Variants in MARCHF1 observed in about 807,000 individuals in gnomAD.
The protein encoded by MARCHF1 is E3 ubiquitin-protein ligase MARCHF1.
MARCHF1 carries 40 observed loss-of-function variants against 54.2 expected under a neutral mutation model. The ratio of observed to expected loss-of-function variants is 0.74; its 90% CI spans 0.57 to 0.96. The LOEUF (loss-of-function observed/expected upper bound fraction) is 0.96, where lower values mean the gene tolerates loss of function less well. Ranked by LOEUF, MARCHF1 falls within the 40% of genes least tolerant of loss-of-function variation. The pLI is 0.00. For missense variants in MARCHF1, 586 were observed against 656.5 expected (o/e 0.89, Z 1.17); for synonymous variants, 236 against 236.3 (o/e 1.00, Z 0.01).
At position 163,545,631 on chromosome 4, in the gene MARCHF1, C is replaced by T. The variant is rs758248171; in HGVS notation, c.1304G>A (p.Arg435Gln). 38 of 1,613,626 alleles carry T rather than the reference C, an allele frequency of 2.4e-5. No individual in the cohort carries two copies. The highest frequency in any genetic ancestry group is 2.8e-5 in the Non-Finnish European group (33 of 1,179,860). The change falls in exon 9 of 10, where the codon CGG (arginine) becomes CAG (glutamine). Residue 435 changes from arginine to glutamine, a missense_variant. Arg to Gln is a conservative substitution (Grantham distance 43, BLOSUM62 1). Around this residue, in one of 3 missense-constraint regions of MARCHF1, gnomAD observed 93 missense variants for 168.2 expected, o/e 0.55. Coordinates refer to ENST00000514618, the MANE Select transcript of MARCHF1 (RefSeq NM_001394959.1). The stretch of plus-strand genomic sequence containing the variant: ...GCCTTGCTTGATTTCCTCCGCTGTC[C>T]GGTCTATCAATACATACAAAGACCA... ...VVWSLYVLID[R>Q]TAEEIKQGND...
chr4:164,023,526 A>G (rs1753709295), intron 2 of MARCHF1, among the ~76,000 whole-genome samples: 1 of 152,218 alleles, frequency 6.6e-6, no homozygotes, highest in South Asian at 2.1e-4. Context: ...AATAAATAAA[A>G]TAAAATAAAA....
intron 4 of MARCHF1, among the ~76,000 whole-genome samples, chr4:163,761,998 A>G (rs1335816647): frequency 6.6e-6 from 1 of 152,156 alleles, no homozygotes; most frequent in Non-Finnish European, 1.5e-5. Context: ...ATAATAATTT[A>G]TTTTATTTAA....
chr4:163,950,041 G>A lies in MARCHF1; in HGVS notation c.-39+38460C>T, dbSNP rs532428018. On this transcript the variant is annotated intron_variant, in intron 3 of 9. Transcript: ENST00000514618. The stretch of plus-strand genomic sequence containing the variant: ...ATTGGTCCATGGGTGGTCATGGGCG[G>A]GCCCAGGAAAAGCACCATAAGTTCT... 3.9e-5 allele frequency among the ~76,000 whole-genome samples: 6 copies of A among 152,278 alleles called. No homozygotes were observed. The South Asian group carries it at 1.2e-3, about 32-fold the overall frequency.
At chr4:163,636,359 C>A (rs1470244903) in intron 5 of MARCHF1, among the ~76,000 whole-genome samples, 1 of 141,870 alleles carries the variant, frequency 7.0e-6, no homozygotes, top group Non-Finnish European at 1.5e-5. Context: ...TTGTCTCAGC[C>A]CAAAGTCTCC....
At chr4:163,891,916 T>C (rs1750669550) in intron 3 of MARCHF1, among the ~76,000 whole-genome samples, 1 of 152,246 alleles carries the variant, frequency 6.6e-6, no homozygotes, top group Non-Finnish European at 1.5e-5. Context: ...TATGTCTTGC[T>C]GTGCATCCCA....
chr4:163,811,797 A>C (rs1400641849), intron 4 of MARCHF1, among the ~76,000 whole-genome samples: 2 of 152,182 alleles, frequency 1.3e-5, no homozygotes, highest in African/African-American at 4.8e-5. Context: ...ATCATTTCAT[A>C]TTCACAACAA....
At chr4:164,070,749 T>A (rs2111090133) in intron 2 of MARCHF1, among the ~76,000 whole-genome samples, 1 of 152,320 alleles carries the variant, frequency 6.6e-6, no homozygotes, top group East Asian at 1.9e-4. Flanking sequence ...AGTTACGCAG[T>A]CTATTTATAT....
intron 2 of MARCHF1, among the ~76,000 whole-genome samples, chr4:164,107,218 G>T (rs1312528894): frequency 5.3e-5 from 8 of 151,934 alleles, no homozygotes; most frequent in African/African-American, 1.9e-4. Context: ...TATATCAGTG[G>T]TTTTTGACTC....
intron 2 of MARCHF1, among the ~76,000 whole-genome samples, chr4:164,071,078 CT>C (rs926833788): frequency 2.6e-5 from 4 of 152,120 alleles, no homozygotes; most frequent in Admixed American, 6.5e-5. Context: ...CCAGTTAAAC[CT>C]TTTTTTGTTC....
At chr4:164,206,550 A>T (rs997960770) in intron 1 of MARCHF1, among the ~76,000 whole-genome samples, 6 of 152,176 alleles carry the variant, frequency 3.9e-5, no homozygotes, top group Admixed American at 3.9e-4. Flanking sequence ...TTGTTCATTA[A>T]AACACAAATT....
chr4:163,573,614 C>T (rs548293417), intron 8 of MARCHF1, among the ~76,000 whole-genome samples: 2,093 of 151,996 alleles, frequency 0.014, 46 homozygotes, highest in African/African-American at 0.048. Context: ...TTTCCAACTT[C>T]ATCCATGTCC....
At chr4:164,217,996 G>T (rs927165558) in intron 1 of MARCHF1, among the ~76,000 whole-genome samples, 4 of 151,990 alleles carry the variant, frequency 2.6e-5, no homozygotes, top group African/African-American at 9.7e-5. Flanking sequence ...CATCATAAAG[G>T]TCTTAGACAT....
intron 5 of MARCHF1, among the ~76,000 whole-genome samples, chr4:163,684,360 G>T (rs1428995420): frequency 6.6e-6 from 1 of 152,026 alleles, no homozygotes; most frequent in Non-Finnish European, 1.5e-5. Context: ...TTCCAGTTTG[G>T]ACAGTCTCAA....
At chr4:164,256,972 TATAGTAGTA>T (rs1389316405) in intron 1 of MARCHF1, among the ~76,000 whole-genome samples, 2 of 152,172 alleles carry the variant, frequency 1.3e-5, no homozygotes, top group Non-Finnish European at 1.5e-5. Flanking sequence ...ATGAACAAAT[TATAGTAGTA>T]TAATTGTCAC....
intron 1 of MARCHF1, among the ~76,000 whole-genome samples, chr4:164,288,668 C>T (rs1016198848): frequency 1.3e-5 from 2 of 151,934 alleles, no homozygotes; most frequent in Non-Finnish European, 2.9e-5. Flanking sequence ...TCCCTCAAAT[C>T]CAAAAACTGT....
chr4:164,063,278 T>A (rs1754659745), intron 2 of MARCHF1, among the ~76,000 whole-genome samples: 1 of 152,206 alleles, frequency 6.6e-6, no homozygotes, highest in Non-Finnish European at 1.5e-5. Flanking sequence ...TCTCTCCAGG[T>A]ATGAAAGTCT....
intron 2 of MARCHF1, among the ~76,000 whole-genome samples, chr4:164,072,704 T>TA (rs3029712): frequency 0.013 from 1,824 of 136,350 alleles, 33 homozygotes; most frequent in East Asian, 0.046. Flanking sequence ...TTTTCTCTAG[T>TA]AAAAAAAAAA....
intron 9 of MARCHF1, among the ~76,000 whole-genome samples, chr4:163,535,601 A>G (rs886501022): frequency 4.6e-5 from 7 of 152,152 alleles, no homozygotes; most frequent in African/African-American, 1.7e-4. Flanking sequence ...ATAGTCCCAG[A>G]TAAGTGGCAG....
chr4:164,146,299 C>T (rs1473125245), intron 1 of MARCHF1, among the ~76,000 whole-genome samples: 1 of 147,850 alleles, frequency 6.8e-6, no homozygotes, highest in East Asian at 2.0e-4. Flanking sequence ...CAATGACTTT[C>T]TTCACAGAAT....
Sources: gnomAD v4.1 joint callset for allele counts (sites outside exome capture counted in the v4.1 genomes callset) on GRCh38, gnomAD v4.1.1 for gene constraint, gnomAD v4.1.1 regional missense constraint, MANE v1.5 for transcripts, NCBI Gene and HGNC (gene_info 2026-07-23, HGNC 2026-07-21) for gene names.